The following RAB27B variants were observed in gnomAD, a reference collection of about 807,000 sequenced individuals.
RAB27B encodes ras-related protein Rab-27B.
A neutral mutation model predicts 24.6 loss-of-function variants in RAB27B; 15 were observed. That is an observed-to-expected ratio of 0.61 (90% CI 0.41 to 0.94). The LOEUF is 0.94. RAB27B is among the 40% of genes least tolerant of loss of function. The pLI is 0.00. For missense variants in RAB27B, 261 were observed against 266.8 expected, an observed-to-expected ratio of 0.98 and a Z score of 0.15; for synonymous variants, 105 against 92.5, an observed-to-expected ratio of 1.14 and a Z score of -0.78.
At chr18:54,724,359 A>G (rs529344923) in intron 2 of RAB27B, among the ~76,000 whole-genome samples, 2 of 151,686 alleles carry the variant, frequency 1.3e-5, no homozygotes, top group East Asian at 3.9e-4. Context: ...GCTACTAGAA[A>G]AGTTAATGCA....
At chr18:54,826,897 G>A (rs972747844), upstream of RAB27B, among the ~76,000 whole-genome samples, 2 of 152,120 alleles carry the variant, frequency 1.3e-5, no homozygotes, top group Non-Finnish European at 2.9e-5. Flanking sequence ...AAACTCTATT[G>A]CATACAGGAA....
chr18:54,818,525 C>T lies in RAB27B; in HGVS notation c.-19-59042C>T, dbSNP rs577972523. 5.3e-5 allele frequency among the ~76,000 whole-genome samples: 8 copies of T among 152,104 alleles called. No individual in the cohort carries two copies. In the East Asian group the frequency reaches 1.5e-3, roughly 29 times the overall value. ...ATTTGGCATTTTGTTGTCCCTACTC[C>T]AGGGCATATTGGCATGGGACTAGAG... is the stretch of plus-strand genomic sequence containing the variant. On this transcript the variant is annotated intron_variant, in intron 2 of 4. Transcript: ENST00000586570.
At chr18:54,874,988 G>GA (rs1304646825) in intron 1 of RAB27B, among the ~76,000 whole-genome samples, 1 of 152,104 alleles carries the variant, frequency 6.6e-6, no homozygotes, top group African/African-American at 2.4e-5. Context: ...CAGCAACTAA[G>GA]AATAAGAGCA....
chr18:54,850,359 T>TATATATATATATATATATACACAC (rs1491518141), intron 1 of RAB27B, among the ~76,000 whole-genome samples: 33 of 126,832 alleles, frequency 2.6e-4, no homozygotes, highest in African/African-American at 8.8e-4. Flanking sequence ...TATATATATA[T>TATATATATATATATATATACACAC]ACATACATAC....
intron 1 of RAB27B, among the ~76,000 whole-genome samples, chr18:54,857,921 A>G (rs1300798728): frequency 6.6e-6 from 1 of 152,260 alleles, no homozygotes; most frequent in Non-Finnish European, 1.5e-5. Context: ...AAGGATATTC[A>G]ACAAGAGCAT....
chr18:54,757,257 C>T (rs1908034656), intron 2 of RAB27B, among the ~76,000 whole-genome samples: 1 of 152,122 alleles, frequency 6.6e-6, no homozygotes, highest in African/African-American at 2.4e-5. Context: ...CCCATGGATT[C>T]CCAAGCCAGT....
intron 2 of RAB27B, among the ~76,000 whole-genome samples, chr18:54,719,024 T>C (rs973664691): frequency 6.9e-6 from 1 of 144,790 alleles, no homozygotes; most frequent in Non-Finnish European, 1.6e-5. Context: ...GTTCTGCTAG[T>C]GGACAATTCA....
At chr18:54,786,455 C>T (rs1909088742) in intron 2 of RAB27B, among the ~76,000 whole-genome samples, 2 of 152,104 alleles carry the variant, frequency 1.3e-5, no homozygotes, top group Non-Finnish European at 2.9e-5. Context: ...TTGGTTAATA[C>T]AAATCAGCAA....
intron 2 of RAB27B, among the ~76,000 whole-genome samples, chr18:54,816,920 T>C (rs1043760027): frequency 7.2e-5 from 11 of 152,212 alleles, no homozygotes; most frequent in Admixed American, 7.2e-4. Context: ...GAGAAAAATA[T>C]ACAAATGTTT....
intron 1 of RAB27B, among the ~76,000 whole-genome samples, chr18:54,831,839 G>A (rs941287165): frequency 6.6e-5 from 10 of 151,898 alleles, no homozygotes; most frequent in African/African-American, 2.2e-4. Context: ...GCCCTGGCAC[G>A]ATCTTGGCTC....
At chr18:54,787,232 C>T (rs573407846) in intron 2 of RAB27B, among the ~76,000 whole-genome samples, 4 of 152,304 alleles carry the variant, frequency 2.6e-5, no homozygotes, top group Non-Finnish European at 5.9e-5. Context: ...AGGTTTATTT[C>T]CTTCTCATGC....
At chr18:54,760,531 A>G (rs1165101802) in intron 2 of RAB27B, among the ~76,000 whole-genome samples, 1 of 152,194 alleles carries the variant, frequency 6.6e-6, no homozygotes, top group Non-Finnish European at 1.5e-5. Context: ...AATAGTCCTT[A>G]GGGGTCAAGG....
chr18:54,804,138 C>T lies in RAB27B; in HGVS notation c.-19-73429C>T, dbSNP rs139583909. Among the ~76,000 whole-genome samples the T allele has an allele frequency of 1.5e-4, 23 of 152,284 alleles. 1 individual carries two copies. In the South Asian group the frequency reaches 4.8e-3, roughly 32 times the overall value. On this transcript the variant is annotated intron_variant, in intron 2 of 4. Transcript: ENST00000586570. Reference sequence around the variant, plus strand: ...TGTATCAGAATCTACAATTTAAATTCTCCATGAGATGCCTATGCACATTAA... The same window carrying T: ...TGTATCAGAATCTACAATTTAAATTTTCCATGAGATGCCTATGCACATTAA...
chr18:54,826,974 T>A (rs1380741978), upstream of RAB27B, among the ~76,000 whole-genome samples: 4 of 152,250 alleles, frequency 2.6e-5, no homozygotes, highest in Non-Finnish European at 5.9e-5. Flanking sequence ...GGGTTATCAT[T>A]GTATAGCACA....
intron 2 of RAB27B, among the ~76,000 whole-genome samples, chr18:54,743,346 AG>A (rs1183048619): frequency 6.6e-6 from 1 of 152,198 alleles, no homozygotes; most frequent in Non-Finnish European, 1.5e-5. Context: ...ATCCTCTTCT[AG>A]GGGCTGATAA....
intron 2 of RAB27B, among the ~76,000 whole-genome samples, chr18:54,780,587 A>T (rs539143062): frequency 6.6e-6 from 1 of 151,834 alleles, no homozygotes; most frequent in East Asian, 1.9e-4. Flanking sequence ...TGTTTCCTAA[A>T]CTCCTTTTCC....
At chr18:54,875,836 T>C (rs1218289505) in intron 1 of RAB27B, among the ~76,000 whole-genome samples, 2 of 152,214 alleles carry the variant, frequency 1.3e-5, no homozygotes, top group African/African-American at 2.4e-5. Context: ...TTTTCAGTTT[T>C]GATTGGTGAC....
At chr18:54,870,396 A>G (rs1384902743) in intron 1 of RAB27B, among the ~76,000 whole-genome samples, 1 of 152,180 alleles carries the variant, frequency 6.6e-6, no homozygotes, top group African/African-American at 2.4e-5. Flanking sequence ...TGTTAAAAGC[A>G]GCCAGCATGT....
At chr18:54,851,533 G>A (rs1325687159) in intron 1 of RAB27B, among the ~76,000 whole-genome samples, 1 of 152,134 alleles carries the variant, frequency 6.6e-6, no homozygotes, top group African/African-American at 2.4e-5. Flanking sequence ...TCAGTTAAAT[G>A]AGCAGTATTT....
Sources: allele counts gnomAD v4.1 joint callset (sites outside exome capture counted in the v4.1 genomes callset), GRCh38; gene constraint gnomAD v4.1.1; transcripts MANE v1.5; gene names NCBI Gene and HGNC (gene_info 2026-07-23, HGNC 2026-07-21).